The following SGF29 variants were observed in gnomAD, a reference collection of about 807,000 sequenced individuals.
The protein encoded by SGF29 is SAGA complex associated factor 29.
Under a neutral mutation model 38.1 loss-of-function variants are expected in SGF29, and 15 were observed. The observed-to-expected ratio is 0.39, with a 90% CI of 0.26 to 0.61. The LOEUF (loss-of-function observed/expected upper bound fraction) is 0.61, where lower values mean the gene tolerates loss of function less well. Among genes scored for constraint, SGF29 ranks in the 20% least tolerant of loss-of-function variants. The probability of loss-of-function intolerance (pLI) is 0.49; values close to 1 mark genes in which losing one functional copy is unlikely to be tolerated. For missense variants in SGF29, 184 were observed against 394.6 expected (o/e 0.47, Z 4.52); for synonymous variants, 151 against 160.8 (o/e 0.94, Z 0.46).
intron 1 of SGF29, among the ~76,000 whole-genome samples, chr16:28,565,297 G>A (rs1174926275): frequency 6.6e-6 from 1 of 152,120 alleles, no homozygotes; most frequent in Non-Finnish European, 1.5e-5. Context: ...TTCACCAGCC[G>A]TCTAGGCATC....
At chr16:28,578,553 C>T (rs2046907620) in intron 1 of SGF29, among the ~76,000 whole-genome samples, 1 of 151,974 alleles carries the variant, frequency 6.6e-6, no homozygotes, top group Non-Finnish European at 1.5e-5. Context: ...ATAGCAGCAG[C>T]AGAGCATGTA....
In SGF29 at chr16:28,585,664, G is replaced by T; in HGVS notation, c.168G>T (p.Arg56=). 1 of 1,614,172 alleles carries T rather than the reference G, an allele frequency of 6.2e-7. No homozygotes were observed. Among genetic ancestry groups the T allele is most frequent in the Non-Finnish European group, 8.5e-7 (1 of 1,180,034 alleles). ...QTENKISPYY[R]TKLRGLYTTA... ...CCTCTGCAGTTTCTCCCTATTACCGGACAAAGCTGCGTGGCCTCTACACAA... is the reference window on the plus strand; with the variant it reads ...CCTCTGCAGTTTCTCCCTATTACCGTACAAAGCTGCGTGGCCTCTACACAA... The change falls in exon 4 of 10, where the codon CGG becomes CGT. Residue 56 remains arginine, a synonymous_variant. Transcript: ENST00000317058.
intron 4 of SGF29, 45 bp from the exon 5 acceptor site, chr16:28,589,055 A>G (rs760910227): frequency 1.2e-6 from 2 of 1,603,506 alleles, no homozygotes; most frequent in Non-Finnish European, 1.7e-6. Context: ...AGTCTATGCT[A>G]TGTACGTTAA....
intron 4 of SGF29, 48 bp downstream of exon 4, chr16:28,585,768 G>T (rs750774514): frequency 6.4e-7 from 1 of 1,560,216 alleles, no homozygotes; most frequent in African/African-American, 1.4e-5. Context: ...TTTCCTGGGG[G>T]CTGGGCTGCA....
At chr16:28,556,677 A>T (rs745981249) in intron 1 of SGF29, among the ~76,000 whole-genome samples, 5 of 149,202 alleles carry the variant, frequency 3.4e-5, no homozygotes, top group Non-Finnish European at 7.5e-5. Context: ...ACAAGGTCTT[A>T]CTCTGTCACC....
intron 1 of SGF29, among the ~76,000 whole-genome samples, chr16:28,556,846 G>A (rs891436864): frequency 2.0e-5 from 3 of 151,880 alleles, no homozygotes; most frequent in African/African-American, 4.8e-5. Context: ...CAGGGCCTCC[G>A]TGTGTTGCCC....
rs1057202183 is a variant in SGF29 at position 28,556,772 on chromosome 16, T to C, written c.-16+2675T>C. Among the ~76,000 whole-genome samples, 9 of 152,182 alleles carry C rather than the reference T, an allele frequency of 5.9e-5. 1 individual carries two copies. The highest frequency in any genetic ancestry group is 4.6e-4 in the Admixed American group (7 of 15,268). On this transcript the variant is annotated intron_variant, in intron 1 of 9. Transcript: ENST00000317058. Reference sequence around the variant, plus strand: ...GATCCTCCTGCCATAGCCTCCTGAGTAGCTAGGACTACACATGTGCACCAC... The same window carrying C: ...GATCCTCCTGCCATAGCCTCCTGAGCAGCTAGGACTACACATGTGCACCAC...
rs1163108361 is a variant in SGF29, at chr16:28,581,161, C to T, written c.75+17C>T. ...CAAACCCAGGTAAAAAGTCACCACCCTCCATTCCCAGATGGGAACATGGGC... is the reference window on the plus strand; with the variant it reads ...CAAACCCAGGTAAAAAGTCACCACCTTCCATTCCCAGATGGGAACATGGGC... On this transcript the variant is annotated intron_variant, in intron 2 of 9. Transcript: ENST00000317058. The T allele has an allele frequency of 6.2e-7, 1 of 1,611,382 alleles. No individual in the cohort carries two copies. The highest frequency in any genetic ancestry group is 1.1e-5 in the South Asian group (1 of 90,842).
chr16:28,574,611 T>C (rs79424846), intron 1 of SGF29, among the ~76,000 whole-genome samples: 3,008 of 152,288 alleles, frequency 0.02, 107 homozygotes, highest in African/African-American at 0.069. Context: ...CAACTCCCTA[T>C]AACAGTTTCA....
At chr16:28,591,531 G>A (rs1314178110) in intron 9 of SGF29, 59 bp from the exon 10 acceptor site, 1 of 1,181,454 alleles carries the variant, frequency 8.5e-7, no homozygotes, top group Non-Finnish European at 1.3e-6. Flanking sequence ...TGGGGGAAGG[G>A]GGTGCCTGTC....
chr16:28,571,526 G>A (rs988901421), intron 1 of SGF29, among the ~76,000 whole-genome samples: 28 of 151,162 alleles, frequency 1.9e-4, no homozygotes, highest in Admixed American at 1.8e-3. Flanking sequence ...CAGGGAGGTG[G>A]AAGTTTCAGT....
intron 1 of SGF29, among the ~76,000 whole-genome samples, chr16:28,563,274 A>T (rs1205751758): frequency 6.6e-6 from 1 of 152,194 alleles, no homozygotes; most frequent in Non-Finnish European, 1.5e-5. Context: ...CATTCGCCAG[A>T]TACGTGCCAG....
chr16:28,554,872 T>C (rs780638400), intron 1 of SGF29, among the ~76,000 whole-genome samples: 3 of 152,234 alleles, frequency 2.0e-5, no homozygotes, highest in Non-Finnish European at 4.4e-5. Context: ...TGTTCAGCAT[T>C]TGATGCTGTG....
chr16:28,578,588 G>A (rs368916197), intron 1 of SGF29, among the ~76,000 whole-genome samples: 1 of 151,870 alleles, frequency 6.6e-6, no homozygotes, highest in East Asian at 1.9e-4. Context: ...AATACATGGC[G>A]AGAGGTTCGC....
At chr16:28,557,883 G>A (rs1397097852) in intron 1 of SGF29, among the ~76,000 whole-genome samples, 2 of 151,118 alleles carry the variant, frequency 1.3e-5, no homozygotes, top group Non-Finnish European at 2.9e-5. Context: ...TAGCTGAAGA[G>A]TCCTGGAGTA....
At chr16:28,589,763 A>T (rs1206652560) in intron 5 of SGF29, among the ~76,000 whole-genome samples, 1 of 152,176 alleles carries the variant, frequency 6.6e-6, no homozygotes, top group African/African-American at 2.4e-5. Flanking sequence ...ATAAGTGCAG[A>T]GTTCAATGAA....
intron 1 of SGF29, among the ~76,000 whole-genome samples, chr16:28,564,755 GTATATATGTATA>G (rs1164010725): frequency 1.2e-5 from 1 of 86,782 alleles, no homozygotes; most frequent in East Asian, 2.7e-4. Context: ...GTATATATAT[GTATATATGTATA>G]TATATGTATA....
intron 1 of SGF29, among the ~76,000 whole-genome samples, chr16:28,570,589 T>TTTATTTAG (rs2046859356): frequency 7.2e-6 from 1 of 139,332 alleles, no homozygotes; most frequent in Non-Finnish European, 1.5e-5. Flanking sequence ...TATTTATTTA[T>TTTATTTAG]TTAGCGAGAG....
At chr16:28,568,513 T>C (rs1358896985) in intron 1 of SGF29, among the ~76,000 whole-genome samples, 1 of 148,888 alleles carries the variant, frequency 6.7e-6, no homozygotes, top group Non-Finnish European at 1.5e-5. Flanking sequence ...ATGAGGTGAT[T>C]GATTATTTAG....
Sources: allele counts gnomAD v4.1 joint callset (sites outside exome capture counted in the v4.1 genomes callset), GRCh38; gene constraint gnomAD v4.1.1; transcripts MANE v1.5; gene names NCBI Gene and HGNC (gene_info 2026-07-23, HGNC 2026-07-21).